Variants in CNOT4 observed in about 807,000 individuals in gnomAD.
CNOT4 encodes CCR4-associated factor 4.
In CNOT4, 8 loss-of-function variants were observed where a neutral mutation model predicts 73.8. That is an observed-to-expected ratio of 0.11 (90% CI 0.06 to 0.20). The LOEUF (loss-of-function observed/expected upper bound fraction) is 0.20. Among genes scored for constraint, CNOT4 ranks in the 10% least tolerant of loss-of-function variants. CNOT4 has a pLI of 1.00. For synonymous variants in CNOT4, 293 were observed against 321.1 expected (o/e 0.91, Z 0.94); for missense variants, 564 against 883.4 (o/e 0.64, Z 4.58).
chr7:135,485,758 A>G (rs1802679994), intron 1 of CNOT4, among the ~76,000 whole-genome samples: 1 of 152,196 alleles, frequency 6.6e-6, no homozygotes, highest in African/African-American at 2.4e-5. Flanking sequence ...AACCTAAACC[A>G]CTTACTTTAT....
chr7:135,398,676 A>G (rs1258119395), intron 7 of CNOT4, among the ~76,000 whole-genome samples: 1 of 152,138 alleles, frequency 6.6e-6, no homozygotes, highest in Non-Finnish European at 1.5e-5. Context: ...CATTGTAATT[A>G]GATTCTCCAA....
intron 1 of CNOT4, among the ~76,000 whole-genome samples, chr7:135,440,863 G>T (rs1435910564): frequency 6.6e-6 from 1 of 150,840 alleles, no homozygotes; most frequent in Admixed American, 6.6e-5. Flanking sequence ...AGGTGGCAGC[G>T]AGCCGAGATC....
chr7:135,372,507 A>G (rs1270735014), intron 10 of CNOT4, among the ~76,000 whole-genome samples: 1 of 151,522 alleles, frequency 6.6e-6, no homozygotes, highest in African/African-American at 2.4e-5. Context: ...GAACTTCAGT[A>G]GGTACTGTAT....
chr7:135,418,995 G>GC (rs772049387), intron 3 of CNOT4, among the ~76,000 whole-genome samples: 2 of 151,626 alleles, frequency 1.3e-5, no homozygotes, highest in Non-Finnish European at 2.9e-5. Context: ...CCGCCCCCTG[G>GC]CATCAAAATA....
intron 3 of CNOT4, among the ~76,000 whole-genome samples, chr7:135,418,484 C>G (rs566044240): frequency 6.6e-6 from 1 of 152,148 alleles, no homozygotes; most frequent in Non-Finnish European, 1.5e-5. Flanking sequence ...CTTGGGAAAA[C>G]AGTCAAGTAT....
chr7:135,388,214 G>C (rs1796220118), intron 10 of CNOT4: 2 of 984,894 alleles, frequency 2.0e-6, no homozygotes, highest in South Asian at 4.7e-5. Context: ...AAGTGCAAAA[G>C]AGAGAGAACA....
chr7:135,486,288 A>G (rs2129487475), intron 1 of CNOT4, among the ~76,000 whole-genome samples: 1 of 152,356 alleles, frequency 6.6e-6, no homozygotes, highest in Admixed American at 6.5e-5. Context: ...ACGAAAGGCC[A>G]ATAAGCATAT....
rs556548359 is a variant in CNOT4, at chr7:135,472,346, G to A, written c.-92-33923C>T. 4.2e-4 allele frequency among the ~76,000 whole-genome samples: 61 copies of A among 146,796 alleles called. 1 individual carries two copies. The highest frequency in any genetic ancestry group is 7.0e-3 in the Middle Eastern group (2 of 286). On this transcript the variant is annotated intron_variant, in intron 1 of 11. Coordinates refer to ENST00000541284, the MANE Select transcript of CNOT4 (RefSeq NM_001190850.2). ...CAAAAAATTAGCCAGGCGTGGTGGC[G>A]GGCACCTGTAGTCCCAGCTACTCAG...
At chr7:135,402,807 G>A (rs574922608) in intron 7 of CNOT4, among the ~76,000 whole-genome samples, 2 of 152,276 alleles carry the variant, frequency 1.3e-5, no homozygotes, top group South Asian at 4.1e-4. Flanking sequence ...GTTCAGCCAA[G>A]TTTTGATTTC....
At chr7:135,471,901 G>A (rs773740584) in intron 1 of CNOT4, among the ~76,000 whole-genome samples, 20 of 152,180 alleles carry the variant, frequency 1.3e-4, no homozygotes, top group East Asian at 1.9e-4. Flanking sequence ...GGCCAGGCGC[G>A]GTGGCTCACA....
chr7:135,444,514 T>C, intron 1 of CNOT4: 1 of 1,000,284 alleles, frequency 1.0e-6, no homozygotes, highest in Non-Finnish European at 1.6e-6. Context: ...GCTCTGTTGC[T>C]GTGAACGCCA....
At chr7:135,374,422 A>G (rs1484953328) in intron 10 of CNOT4, among the ~76,000 whole-genome samples, 1 of 152,168 alleles carries the variant, frequency 6.6e-6, no homozygotes, top group African/African-American at 2.4e-5. Flanking sequence ...ATAACATGGT[A>G]AAGTATAGCA....
At chr7:135,455,426 A>G (rs1378462829) in intron 1 of CNOT4, among the ~76,000 whole-genome samples, 1 of 152,206 alleles carries the variant, frequency 6.6e-6, no homozygotes, top group Non-Finnish European at 1.5e-5. Context: ...TTGAAATTGC[A>G]CATAAATATA....
At chr7:135,459,463 A>G (rs1405405414) in intron 1 of CNOT4, among the ~76,000 whole-genome samples, 1 of 152,190 alleles carries the variant, frequency 6.6e-6, no homozygotes, top group African/African-American at 2.4e-5. Flanking sequence ...CTTCTCCCTG[A>G]AGAAATCTTT....
intron 10 of CNOT4, among the ~76,000 whole-genome samples, chr7:135,390,434 G>T (rs1259819174): frequency 1.3e-5 from 2 of 151,834 alleles, no homozygotes; most frequent in African/African-American, 4.8e-5. Flanking sequence ...AAGGCATATG[G>T]TTCCAATAAT....
At chr7:135,368,970 G>C (rs896214770) in intron 10 of CNOT4, among the ~76,000 whole-genome samples, 3 of 152,072 alleles carry the variant, frequency 2.0e-5, no homozygotes, top group Admixed American at 6.6e-5. Flanking sequence ...CAAAATGTGG[G>C]AAAACCTGCT....
intron 8 of CNOT4, 65 bp downstream of exon 8, chr7:135,398,104 T>G: frequency 1.2e-6 from 1 of 861,528 alleles, no homozygotes; most frequent in South Asian, 1.4e-5. Flanking sequence ...AAAATTCACC[T>G]GCATGGAATA....
chr7:135,504,246 C>T (rs918498450), intron 1 of CNOT4, among the ~76,000 whole-genome samples: 4 of 151,690 alleles, frequency 2.6e-5, no homozygotes, highest in Admixed American at 2.6e-4. Flanking sequence ...ACTATTTTGC[C>T]TACATCATTC....
intron 1 of CNOT4, among the ~76,000 whole-genome samples, chr7:135,460,486 C>T (rs1403693579): frequency 4.6e-5 from 7 of 152,128 alleles, no homozygotes; most frequent in Non-Finnish European, 1.0e-4. Flanking sequence ...GGGAGACAGA[C>T]AGAGCAATAG....
Sources: allele counts gnomAD v4.1 joint callset (sites outside exome capture counted in the v4.1 genomes callset), GRCh38; gene constraint gnomAD v4.1.1; transcripts MANE v1.5; gene names NCBI Gene and HGNC (gene_info 2026-07-23, HGNC 2026-07-21).